Variants in PPARGC1A observed in about 807,000 individuals in gnomAD.
PPARGC1A encodes peroxisome proliferator-activated receptor gamma coactivator 1-alpha.
In PPARGC1A, 25 loss-of-function variants were observed where a neutral mutation model predicts 88.7. That is an observed-to-expected ratio of 0.28 (90% CI 0.21 to 0.39). The LOEUF is 0.39. PPARGC1A is among the 10% of genes least tolerant of loss of function. PPARGC1A has a pLI of 1.00. For missense variants in PPARGC1A, 880 were observed against 968.7 expected (o/e 0.91, Z 1.22); for synonymous variants, 363 against 355.6 (o/e 1.02, Z -0.24).
chr4:24,117,428 A>T, the PPARGC1A span, among the ~76,000 whole-genome samples: 3,350 of 152,214 alleles, frequency 0.022, 122 homozygotes, highest in African/African-American at 0.071. Context: ...ATGGCCTCTT[A>T]TAGAGCAAAG....
At chr4:24,281,685 C>G in the PPARGC1A span, among the ~76,000 whole-genome samples, 1 of 152,292 alleles carries the variant, frequency 6.6e-6, no homozygotes, top group East Asian at 1.9e-4. Flanking sequence ...TGCAATAGCC[C>G]TTTCTTGTCT....
At chr4:24,266,547 G>A in the PPARGC1A span, among the ~76,000 whole-genome samples, 1 of 152,040 alleles carries the variant, frequency 6.6e-6, no homozygotes, top group Non-Finnish European at 1.5e-5. Flanking sequence ...CCCAGAGGAG[G>A]GTAAGTTAGC....
chr4:23,793,841 A>C lies in PPARGC1A; in HGVS notation c.*1981T>G, dbSNP rs1717065476. On this transcript the variant is annotated 3_prime_UTR_variant, in exon 13 of 13. Transcript: ENST00000264867. ...AAAAGCTGAATTTCCCAAATGAAGC[A>C]CTTACACTCCAACCTGACAATTGTC... is the stretch of plus-strand genomic sequence containing the variant. 2 of 152,372 alleles carry C rather than the reference A, an allele frequency of 1.3e-5. No homozygotes were observed. Among genetic ancestry groups the C allele is most frequent in the Admixed American group, 1.3e-4 (2 of 15,252 alleles). 9.4% of individuals were successfully genotyped at this position (152,372 alleles called of 1,614,324 possible).
At chr4:23,874,041 T>A (rs1357928637) in intron 2 of PPARGC1A, among the ~76,000 whole-genome samples, 1 of 152,028 alleles carries the variant, frequency 6.6e-6, no homozygotes, top group Non-Finnish European at 1.5e-5. Flanking sequence ...AAATGCTACC[T>A]CCTCACTTTT....
At chr4:23,928,686 C>T in the PPARGC1A span, among the ~76,000 whole-genome samples, 8 of 147,852 alleles carry the variant, frequency 5.4e-5, no homozygotes, top group East Asian at 4.0e-4. Context: ...ATAGCAAACA[C>T]GTGGCATGAA....
At chr4:24,219,435 A>G in the PPARGC1A span, among the ~76,000 whole-genome samples, 1 of 152,186 alleles carries the variant, frequency 6.6e-6, no homozygotes, top group Admixed American at 6.5e-5. Context: ...ACTGGGCTCT[A>G]GCTTGCCCTG....
chr4:24,128,729 A>G, the PPARGC1A span, among the ~76,000 whole-genome samples: 3 of 152,190 alleles, frequency 2.0e-5, no homozygotes, highest in African/African-American at 7.2e-5. Context: ...GAAATACAAA[A>G]TCAATTCTCT....
At chr4:24,119,831 C>G in the PPARGC1A span, among the ~76,000 whole-genome samples, 1 of 152,104 alleles carries the variant, frequency 6.6e-6, no homozygotes, top group Non-Finnish European at 1.5e-5. Context: ...AGACTCTTAC[C>G]TCCAAAATCA....
At chr4:23,901,023 G>C (rs1196649385), upstream of PPARGC1A, among the ~76,000 whole-genome samples, 3 of 151,378 alleles carry the variant, frequency 2.0e-5, no homozygotes, top group African/African-American at 7.3e-5. Context: ...TCAGGAGTTC[G>C]AGACCAGCCT....
At chr4:23,920,585 T>C in the PPARGC1A span, among the ~76,000 whole-genome samples, 20 of 152,138 alleles carry the variant, frequency 1.3e-4, no homozygotes, top group African/African-American at 4.8e-4. Flanking sequence ...TCAGGCATAA[T>C]AGTTGTACAG....
chr4:24,285,185 G>A, the PPARGC1A span, among the ~76,000 whole-genome samples: 1 of 152,200 alleles, frequency 6.6e-6, no homozygotes, highest in Non-Finnish European at 1.5e-5. Context: ...CCTATACATA[G>A]CTTCCCAAAT....
At chr4:23,873,554 A>G (rs1166769722) in intron 2 of PPARGC1A, among the ~76,000 whole-genome samples, 2 of 152,160 alleles carry the variant, frequency 1.3e-5, no homozygotes, top group African/African-American at 4.8e-5. Flanking sequence ...CGGCAAGCAC[A>G]TTTCATTCAT....
chr4:24,298,812 CT>C, the PPARGC1A span, among the ~76,000 whole-genome samples: 10 of 152,232 alleles, frequency 6.6e-5, no homozygotes, highest in African/African-American at 2.4e-4. Flanking sequence ...CTATAAAGTT[CT>C]TGGATTTTAC....
upstream of PPARGC1A, among the ~76,000 whole-genome samples, chr4:23,901,192 C>T (rs1280558665): frequency 6.6e-6 from 1 of 152,018 alleles, no homozygotes; most frequent in Non-Finnish European, 1.5e-5. Context: ...ACGGTGAAAC[C>T]CCATCTCTAC....
At chr4:24,212,577 G>A in the PPARGC1A span, among the ~76,000 whole-genome samples, 1,438 of 152,238 alleles carry the variant, frequency 9.4e-3, 29 homozygotes, top group African/African-American at 0.033. Context: ...TCTCAAAAAT[G>A]GCAGCTAAAA....
the PPARGC1A span, among the ~76,000 whole-genome samples, chr4:24,387,818 A>AAGAGAGAAAGAG: frequency 1.1e-4 from 9 of 81,094 alleles, no homozygotes; most frequent in African/African-American, 4.3e-4. Context: ...GAAAGAAAGA[A>AAGAGAGAAAGAG]AGAAAGAGAG....
chr4:24,459,253 G>A, the PPARGC1A span, among the ~76,000 whole-genome samples: 4 of 152,174 alleles, frequency 2.6e-5, no homozygotes, highest in East Asian at 5.8e-4. Context: ...TTTGGGGAGG[G>A]TCTTAAAGGA....
At chr4:23,949,009 T>G in the PPARGC1A span, among the ~76,000 whole-genome samples, 1 of 152,152 alleles carries the variant, frequency 6.6e-6, no homozygotes, top group African/African-American at 2.4e-5. Context: ...TTAAACCATG[T>G]TACTCTCTAT....
chr4:23,955,154 T>C, the PPARGC1A span, among the ~76,000 whole-genome samples: 1 of 152,060 alleles, frequency 6.6e-6, no homozygotes, highest in Non-Finnish European at 1.5e-5. Context: ...ACCAACATGG[T>C]TATTTGCAGC....
Sources: allele counts gnomAD v4.1 joint callset (sites outside exome capture counted in the v4.1 genomes callset), GRCh38; gene constraint gnomAD v4.1.1; transcripts MANE v1.5; gene names NCBI Gene and HGNC (gene_info 2026-07-23, HGNC 2026-07-21).